The following COX7B2 variants were observed in gnomAD, a reference collection of about 807,000 sequenced individuals.
The protein encoded by COX7B2 is cytochrome c oxidase subunit 7B2, mitochondrial.
For missense variants in COX7B2, 109 were observed against 95.9 expected (o/e 1.14, Z -0.57); for synonymous variants, 37 against 32.1 (o/e 1.15, Z -0.51).
At chr4:46,780,607 G>T (rs1197829498) in intron 2 of COX7B2, among the ~76,000 whole-genome samples, 1 of 152,216 alleles carries the variant, frequency 6.6e-6, no homozygotes, top group South Asian at 2.1e-4. Context: ...TTGCTGCCTT[G>T]CAGACATTTG....
intron 2 of COX7B2, among the ~76,000 whole-genome samples, chr4:46,829,323 T>C (rs1714913263): frequency 1.3e-5 from 2 of 152,202 alleles, no homozygotes; most frequent in South Asian, 4.1e-4. Flanking sequence ...TTTTATGTTA[T>C]CTAGTAATAA....
At chr4:46,791,072 T>A (rs1718016525) in intron 2 of COX7B2, among the ~76,000 whole-genome samples, 1 of 152,156 alleles carries the variant, frequency 6.6e-6, no homozygotes, top group African/African-American at 2.4e-5. Flanking sequence ...CGATCTCGGC[T>A]CACTGCAAGC....
intron 1 of COX7B2, among the ~76,000 whole-genome samples, chr4:46,867,680 A>G (rs1174321233): frequency 1.3e-5 from 2 of 152,204 alleles, no homozygotes; most frequent in Non-Finnish European, 2.9e-5. Context: ...GGCCACCTCA[A>G]TAAACCTGCT....
intron 1 of COX7B2, among the ~76,000 whole-genome samples, chr4:46,848,207 G>A (rs575694897): frequency 6.6e-6 from 1 of 151,938 alleles, no homozygotes; most frequent in South Asian, 2.1e-4. Flanking sequence ...TTTGAAGGTT[G>A]GTATTTCAAA....
intron 2 of COX7B2, among the ~76,000 whole-genome samples, chr4:46,808,246 G>A (rs1253357999): frequency 2.0e-5 from 3 of 151,580 alleles, no homozygotes; most frequent in Non-Finnish European, 4.4e-5. Context: ...CACCTCCCCA[G>A]TTAAATTTGT....
chr4:46,906,217 G>T (rs1043649304), intron 1 of COX7B2, among the ~76,000 whole-genome samples: 2 of 152,104 alleles, frequency 1.3e-5, no homozygotes, highest in Admixed American at 6.5e-5. Flanking sequence ...CTCAGGGAGG[G>T]TCTCCTCTCT....
chr4:46,804,563 CAGAGTAGCT>C (rs199561340), intron 2 of COX7B2, among the ~76,000 whole-genome samples: 1,836 of 152,250 alleles, frequency 0.012, 34 homozygotes, highest in African/African-American at 0.042. Flanking sequence ...AACTCCCCAC[CAGAGTAGCT>C]AGAGTAGCTA....
intron 1 of COX7B2, among the ~76,000 whole-genome samples, chr4:46,887,710 C>CAA (rs564556459): frequency 1.3e-3 from 52 of 41,204 alleles, no homozygotes; most frequent in African/African-American, 1.9e-3. Context: ...GACTCCTTCT[C>CAA]AAAAAAAAAA....
intron 1 of COX7B2, among the ~76,000 whole-genome samples, chr4:46,879,121 A>AT (rs1041746695): frequency 6.6e-5 from 10 of 151,384 alleles, no homozygotes; most frequent in Admixed American, 3.9e-4. Context: ...CCTTTTCTTG[A>AT]TTTTTTTTGT....
At chr4:46,857,446 G>A (rs1427442111) in intron 1 of COX7B2, among the ~76,000 whole-genome samples, 2 of 152,188 alleles carry the variant, frequency 1.3e-5, no homozygotes, top group African/African-American at 2.4e-5. Context: ...CTGAATCCTA[G>A]TTGAGGGTCT....
intron 1 of COX7B2, among the ~76,000 whole-genome samples, chr4:46,886,744 C>A (rs1352749120): frequency 6.6e-6 from 1 of 152,114 alleles, no homozygotes; most frequent in East Asian, 1.9e-4. Context: ...AGTAACTAAA[C>A]ATGAATTTTT....
At chr4:46,875,821 C>G (rs1718282299) in intron 1 of COX7B2, among the ~76,000 whole-genome samples, 1 of 151,834 alleles carries the variant, frequency 6.6e-6, no homozygotes, top group Non-Finnish European at 1.5e-5. Flanking sequence ...CCACATTCTA[C>G]CTGTCTTCCA....
At chr4:46,761,927 T>A (rs968200157) in intron 2 of COX7B2, among the ~76,000 whole-genome samples, 1 of 151,664 alleles carries the variant, frequency 6.6e-6, no homozygotes, top group African/African-American at 2.4e-5. Flanking sequence ...CTACTGTCTT[T>A]TTTTTTTTAA....
chr4:46,864,385 G>C (rs1447469995), intron 1 of COX7B2, among the ~76,000 whole-genome samples: 1 of 152,078 alleles, frequency 6.6e-6, no homozygotes, highest in Non-Finnish European at 1.5e-5. Context: ...AGCTTTATTG[G>C]AGAAGCCAAC....
At chr4:46,766,768 T>C (rs952777276) in intron 2 of COX7B2, among the ~76,000 whole-genome samples, 8 of 149,766 alleles carry the variant, frequency 5.3e-5, no homozygotes, top group African/African-American at 9.8e-5. Flanking sequence ...ATGGTTGAAA[T>C]TAAATGTTAT....
At chr4:46,735,684 C>T (rs1192550416) in intron 2 of COX7B2, among the ~76,000 whole-genome samples, 1 of 152,140 alleles carries the variant, frequency 6.6e-6, no homozygotes, top group Non-Finnish European at 1.5e-5. Flanking sequence ...TTACCTTCCC[C>T]CTCCTACAGG....
chr4:46,841,374 T>TGTGTGTGTG (rs1560414291), intron 2 of COX7B2, among the ~76,000 whole-genome samples: 17 of 150,666 alleles, frequency 1.1e-4, no homozygotes, highest in South Asian at 2.1e-4. Context: ...TGTGTGTGTG[T>TGTGTGTGTG]TTAAGATGGG....
chr4:46,829,255 A>C (rs989973879), intron 2 of COX7B2, among the ~76,000 whole-genome samples: 1 of 152,168 alleles, frequency 6.6e-6, no homozygotes, highest in Non-Finnish European at 1.5e-5. Context: ...GTTTAGTTGA[A>C]TATTATAAAG....
intron 2 of COX7B2, among the ~76,000 whole-genome samples, chr4:46,832,700 T>C (rs1715227068): frequency 6.6e-6 from 1 of 152,100 alleles, no homozygotes; most frequent in South Asian, 2.1e-4. Context: ...CTCTTGATGA[T>C]GAGAGGATTC....
Sources: allele counts gnomAD v4.1 joint callset (sites outside exome capture counted in the v4.1 genomes callset), GRCh38; gene constraint gnomAD v4.1.1; transcripts MANE v1.5; gene names NCBI Gene and HGNC (gene_info 2026-07-23, HGNC 2026-07-21).